Variants in NOS1 observed in about 807,000 individuals in gnomAD.
NOS1 encodes the protein NOS type I.
Under a neutral mutation model 164.5 loss-of-function variants are expected in NOS1, and 51 were observed. That is an observed-to-expected ratio of 0.31 (90% CI 0.25 to 0.39). The LOEUF is 0.39. Among genes scored for constraint, NOS1 ranks in the 10% least tolerant of loss-of-function variants. The pLI is 1.00. For missense variants in NOS1, 1,362 were observed against 1,885.6 expected (o/e 0.72, Z 5.14); for synonymous variants, 719 against 745.8 (o/e 0.96, Z 0.59).
rs917198984 is a variant in NOS1 at position 117,212,745 on chromosome 12, G to A, written c.*2564C>T. 2 of 985,302 alleles carry A rather than the reference G, an allele frequency of 2.0e-6. No homozygotes were observed. The highest frequency in any genetic ancestry group is 3.5e-5 in the African/African-American group (2 of 57,230). 61.0% of individuals were successfully genotyped at this position (985,302 alleles called of 1,614,324 possible). A position where few individuals can be genotyped will look rare whatever the true frequency, so the allele number is the denominator to read the frequency against. On this transcript the variant is annotated 3_prime_UTR_variant, in exon 29 of 29. Transcript: ENST00000317775. The stretch of plus-strand genomic sequence containing the variant: ...TTTGCACTTAAACGGTTGGCTACGA[G>A]GCCTGGATGAAAAGCCACCACGAGA...
chr12:117,246,561 CCTGCTT>C, intron 18 of NOS1, among the ~76,000 whole-genome samples: 1 of 152,158 alleles, frequency 6.6e-6, no homozygotes, highest in African/African-American at 2.4e-5. Context: ...CTTCCCATTA[CCTGCTT>C]CCAGAACATT....
chr12:117,357,678 C>G (rs980919368), intron 1 of NOS1, among the ~76,000 whole-genome samples: 2 of 152,160 alleles, frequency 1.3e-5, no homozygotes, highest in Admixed American at 6.5e-5. Flanking sequence ...TATTTCCAGT[C>G]TCCCCCAGGA....
chr12:117,359,716 C>T (rs1444765052), intron 1 of NOS1, among the ~76,000 whole-genome samples: 1 of 151,288 alleles, frequency 6.6e-6, no homozygotes, highest in Admixed American at 6.6e-5. Context: ...GAATCCCATG[C>T]GTCTTTCCCA....
chr12:117,330,646 C>A lies in NOS1; in HGVS notation c.424G>T (p.Gly142Cys), dbSNP rs760365815. 1 of 1,611,674 alleles carries A rather than the reference C, an allele frequency of 6.2e-7. No individual in the cohort carries two copies. The highest frequency in any genetic ancestry group is 1.1e-5 in the South Asian group (1 of 91,032). ...AVDLSHQPPAGKEQPLAVDGA... is the reference protein window; with the variant it reads ...AVDLSHQPPACKEQPLAVDGA... Reference sequence around the variant, plus strand: ...TCCACTGCCAGGGGCTGTTCTTTGCCGGCCGGTGGCTGGTGGGACAGATCC... The same window carrying A: ...TCCACTGCCAGGGGCTGTTCTTTGCAGGCCGGTGGCTGGTGGGACAGATCC... The change falls in exon 2 of 29, where the codon GGC (glycine) becomes TGC (cysteine). Residue 142 changes from glycine (G) to cysteine (C), a missense_variant. Transcript: ENST00000317775. This position sits in a 1 kb window ranked among gnomAD's most constrained non-coding sequence, Gnocchi z 4.6.
intron 17 of NOS1, among the ~76,000 whole-genome samples, chr12:117,247,728 T>C (rs988766976): frequency 2.6e-5 from 4 of 152,122 alleles, no homozygotes; most frequent in Admixed American, 1.3e-4. Flanking sequence ...ATAGGATTAG[T>C]GTCCTTATAA....
At chr12:117,294,412 G>A (rs915888540) in intron 3 of NOS1, among the ~76,000 whole-genome samples, 50 of 152,146 alleles carry the variant, frequency 3.3e-4, no homozygotes, top group Admixed American at 7.2e-4. Flanking sequence ...AGGGGTGGTC[G>A]TTACGAGTCA....
At chr12:117,221,010 C>A (rs1326589059) in intron 26 of NOS1, among the ~76,000 whole-genome samples, 1 of 152,112 alleles carries the variant, frequency 6.6e-6, no homozygotes, top group East Asian at 1.9e-4. Context: ...CCCCAACCTG[C>A]CACGATGTCC....
intron 14 of NOS1, among the ~76,000 whole-genome samples, chr12:117,259,563 C>T (rs186543302): frequency 5.3e-5 from 8 of 152,246 alleles, no homozygotes; most frequent in African/African-American, 1.4e-4. Context: ...AATCCTCCCC[C>T]GAGCAGTGTG....
At chr12:117,228,016 G>A (rs768418556) in intron 22 of NOS1, among the ~76,000 whole-genome samples, 2 of 151,630 alleles carry the variant, frequency 1.3e-5, no homozygotes, top group African/African-American at 2.4e-5. Flanking sequence ...GGGTGACAGA[G>A]TGAGACCCTG....
chr12:117,225,115 G>A lies in NOS1; in HGVS notation c.3727C>T (p.Arg1243Trp), dbSNP rs754582579. The change falls in exon 25 of 29, where the codon CGG (arginine) becomes TGG (tryptophan). Residue 1243 changes from arginine (R) to tryptophan (W), a missense_variant. Arg to Trp is a moderately radical substitution (Grantham distance 101, BLOSUM62 -3). Around this residue, in one of 4 missense-constraint regions of NOS1, gnomAD observed 737 missense variants for 1,030.3 expected, o/e 0.72. Coordinates refer to ENST00000317775, the MANE Select transcript of NOS1 (RefSeq NM_000620.5). ...VRGAPSFHLP[R>W]NPQVPCILVG... ...AGGATGCAGGGGACTTGGGGGTTCC[G>A]GGGCAGGTGGAAGCTGGGTGCTCTG... 20 of 1,613,304 alleles carry A rather than the reference G, an allele frequency of 1.2e-5. No individual in the cohort carries two copies. The African/African-American group carries it at 1.6e-4, about 13-fold the overall frequency.
chr12:117,240,085 T>C (rs1167553455), intron 20 of NOS1, among the ~76,000 whole-genome samples: 2 of 152,180 alleles, frequency 1.3e-5, no homozygotes, highest in Admixed American at 6.6e-5. Flanking sequence ...TGGTCTTTCA[T>C]AGTTTGTTGC....
rs186692941 is a variant in NOS1 at position 117,248,754 on chromosome 12, T to A, written c.2649-1232A>T. On this transcript the variant is annotated intron_variant, in intron 17 of 28. Coordinates refer to ENST00000317775, the MANE Select transcript of NOS1 (RefSeq NM_000620.5). ...GTCAAATGGTATTTCTAGTTCTAGA[T>A]CCCTGAGGAATTGCCACACTGACTT... 2.8e-3 allele frequency among the ~76,000 whole-genome samples: 428 copies of A among 151,992 alleles called. 2 individuals carry two copies. Among genetic ancestry groups the A allele is most frequent in the South Asian group, 0.015 (73 of 4,818 alleles).
chr12:117,209,752 T>C lies in NOS1; in HGVS notation c.*5557A>G. The C allele has an allele frequency of 3.0e-6, 3 of 985,518 alleles. No homozygotes were observed. The highest frequency in any genetic ancestry group is 3.6e-6 in the Non-Finnish European group (3 of 829,976). The allele number at this position is 985,518 out of a possible 1,614,324, so 61.0% of individuals were successfully genotyped here. On this transcript the variant is annotated 3_prime_UTR_variant, in exon 29 of 29. Coordinates refer to ENST00000317775, the MANE Select transcript of NOS1 (RefSeq NM_000620.5). The stretch of plus-strand genomic sequence containing the variant: ...GAAAGTGTACCTGGGTCCTTACATT[T>C]GGGGAAGGGCAGCTTTTCTTTTGGG...
chr12:117,344,374 A>G (rs1386228361), intron 1 of NOS1, among the ~76,000 whole-genome samples: 2 of 152,218 alleles, frequency 1.3e-5, no homozygotes, highest in Non-Finnish European at 2.9e-5. Context: ...CAAATGATCA[A>G]CTTTTTCAAT....
rs1872844081 is a variant in NOS1, at chr12:117,272,261, T to C, written c.1839+124A>G. ...GGCATTTCCAGGGGCTTCTCTGGGA[T>C]TGCAATTCTATTCTAACCCCTTCAA... On this transcript the variant is annotated intron_variant, in intron 10 of 28. Transcript: ENST00000317775. This position sits in a 1 kb window ranked among gnomAD's most constrained non-coding sequence, Gnocchi z 4.3. 3.0e-6 allele frequency: 3 copies of C among 992,150 alleles called. No homozygotes were observed. Among genetic ancestry groups the C allele is most frequent in the Middle Eastern group, 2.1e-4 (1 of 4,654 alleles). 61.5% of individuals were successfully genotyped at this position (992,150 alleles called of 1,614,324 possible). A position where few individuals can be genotyped will look rare whatever the true frequency, so the allele number is the denominator to read the frequency against.
intron 1 of NOS1, among the ~76,000 whole-genome samples, chr12:117,335,146 A>G (rs1018925147): frequency 1.3e-5 from 2 of 152,202 alleles, no homozygotes; most frequent in Non-Finnish European, 2.9e-5. Flanking sequence ...TATGTAATAG[A>G]TAACGATTCG....
chr12:117,257,095 T>C (rs1239979393), intron 16 of NOS1, among the ~76,000 whole-genome samples: 1 of 152,062 alleles, frequency 6.6e-6, no homozygotes, highest in Non-Finnish European at 1.5e-5. Context: ...TTTATTTTTA[T>C]TTTTTAGAGA....
rs1485780320 is a variant in NOS1 at position 117,331,071 on chromosome 12, G to A, written c.-2C>T. The A allele has an allele frequency of 6.2e-7, 1 of 1,606,806 alleles. No homozygotes were observed. The highest frequency in any genetic ancestry group is 1.7e-5 in the Admixed American group (1 of 59,762). On this transcript the variant is annotated 5_prime_UTR_variant, in exon 2 of 29. Coordinates refer to ENST00000317775, the MANE Select transcript of NOS1 (RefSeq NM_000620.5). ...AACACCGAACATGTGATCCTCCATG[G>A]TAACTAGCTTCCGAGGGGTCCTGTC... is the stretch of plus-strand genomic sequence containing the variant.
intron 20 of NOS1, among the ~76,000 whole-genome samples, chr12:117,242,312 C>T (rs1195650218): frequency 6.6e-6 from 1 of 152,162 alleles, no homozygotes; most frequent in Non-Finnish European, 1.5e-5. Context: ...AAGTGATTTC[C>T]AGCTAAGATG....
Sources: gnomAD v4.1 joint callset for allele counts (sites outside exome capture counted in the v4.1 genomes callset) on GRCh38, gnomAD v4.1.1 for gene constraint, gnomAD v4.1.1 regional missense constraint, Gnocchi (gnomAD v3.1) non-coding constraint, MANE v1.5 for transcripts, NCBI Gene and HGNC (gene_info 2026-07-23, HGNC 2026-07-21) for gene names.